Variants in MRPL30 observed in about 807,000 individuals in gnomAD.
MRPL30 encodes mitochondrial ribosomal protein L30.
In MRPL30, 10 loss-of-function variants were observed where a neutral mutation model predicts 17.2. The ratio of observed to expected loss-of-function variants is 0.58; its 90% CI spans 0.36 to 0.99. MRPL30 has a LOEUF of 0.99. MRPL30 is among the 50% of genes least tolerant of loss of function. The pLI is 0.01. For missense variants in MRPL30, 170 were observed against 189.8 expected, an observed-to-expected ratio of 0.90 and a Z score of 0.61; for synonymous variants, 61 against 62.1, an observed-to-expected ratio of 0.98 and a Z score of 0.08.
intron 3 of MRPL30, among the ~76,000 whole-genome samples, chr2:99,189,588 G>A (rs2093940749): frequency 6.6e-6 from 1 of 152,170 alleles, no homozygotes; most frequent in Admixed American, 6.5e-5. Context: ...AATGAACAAA[G>A]CTGCTATAAA....
Position 99,195,773 on chromosome 2 carries a change from A to C in MRPL30, c.*68A>C, listed in dbSNP as rs1447161536. ...TTAAAGATGGTGAGAAAGTGTTTTC[A>C]TTAAAATATGTTTTCAAAACCATTT... On this transcript the variant is annotated 3_prime_UTR_variant, in exon 6 of 6. Coordinates refer to ENST00000338148, the MANE Select transcript of MRPL30 (RefSeq NM_145212.4). 83 of 1,602,026 alleles carry C rather than the reference A, an allele frequency of 5.2e-5. 1 individual carries two copies. The highest frequency in any genetic ancestry group is 6.9e-5 in the Non-Finnish European group (81 of 1,176,748).
In MRPL30 at chr2:99,181,204, C is replaced by T; in HGVS notation, c.-73C>T. On this transcript the variant is annotated 5_prime_UTR_variant, in exon 1 of 6. Transcript: ENST00000338148. ...ACTTGGTAGTTCTTCCTCTGCTCTG[C>T]TTCCCTTCGGAGGAAAATTTCAGGC... 1.8e-6 allele frequency: 1 copy of T among 553,874 alleles called. No individual in the cohort carries two copies. Among genetic ancestry groups the T allele is most frequent in the South Asian group, 2.7e-5 (1 of 36,556 alleles). The allele number at this position is 553,874 out of a possible 1,614,324, so 34.3% of individuals were successfully genotyped here.
rs1005557444 is a variant in MRPL30 at position 99,199,111 on chromosome 2, C to T, written c.*3406C>T. Among the ~76,000 whole-genome samples, 1 of 151,964 alleles carries T rather than the reference C, an allele frequency of 6.6e-6. No homozygotes were observed. The highest frequency in any genetic ancestry group is 2.4e-5 in the African/African-American group (1 of 41,404). On this transcript the variant is annotated 3_prime_UTR_variant, in exon 6 of 6. Coordinates refer to ENST00000338148, the MANE Select transcript of MRPL30 (RefSeq NM_145212.4). The stretch of plus-strand genomic sequence containing the variant: ...AATGAAAAGCAAAGAAACTTCCATG[C>T]GGAGATTGTCTTGTTTTTCTCAAAA...
At position 99,197,202 on chromosome 2, in the gene MRPL30, G is replaced by A. The variant is rs2093956397; in HGVS notation, c.*1497G>A. ...TAAGAATTGTAAGGGAGGTTCAGTA[G>A]TGGGGAATTCTGTGACAGCTGATTG... On this transcript the variant is annotated 3_prime_UTR_variant, in exon 6 of 6. Coordinates refer to ENST00000338148, the MANE Select transcript of MRPL30 (RefSeq NM_145212.4). The A allele has an allele frequency of 6.6e-6, 1 of 152,208 alleles. No individual in the cohort carries two copies. Among genetic ancestry groups the A allele is most frequent in the East Asian group, 1.9e-4 (1 of 5,198 alleles). The allele number at this position is 152,208 out of a possible 1,614,324, so 9.4% of individuals were successfully genotyped here.
At chr2:99,191,076 G>A (rs1208980742) in intron 3 of MRPL30, among the ~76,000 whole-genome samples, 4 of 150,834 alleles carry the variant, frequency 2.7e-5, no homozygotes, top group South Asian at 2.1e-4. Flanking sequence ...GCGTGGTCTC[G>A]GCTCACTGCA....
intron 3 of MRPL30, among the ~76,000 whole-genome samples, chr2:99,191,212 G>A (rs1040478734): frequency 5.9e-5 from 9 of 151,992 alleles, no homozygotes; most frequent in Non-Finnish European, 1.5e-5. Flanking sequence ...TCACCATGCT[G>A]GCCAGGATGG....
At chr2:99,186,648 T>C (rs2093934563) in intron 2 of MRPL30, among the ~76,000 whole-genome samples, 1 of 152,158 alleles carries the variant, frequency 6.6e-6, no homozygotes, top group Admixed American at 6.5e-5. Flanking sequence ...TGAGAGTTAA[T>C]CTTGTTTATG....
intron 3 of MRPL30, among the ~76,000 whole-genome samples, 173 bp downstream of exon 3, chr2:99,188,430 A>ACTGTT (rs534050646): frequency 8.1e-4 from 124 of 152,228 alleles, no homozygotes; most frequent in Non-Finnish European, 1.5e-3. Context: ...TAAAAATAAA[A>ACTGTT]CTGTTCTGTC....
chr2:99,183,483 C>T (rs1441145036), intron 1 of MRPL30, among the ~76,000 whole-genome samples: 1 of 151,174 alleles, frequency 6.6e-6, no homozygotes, highest in African/African-American at 2.4e-5. Context: ...GCAGGATAAT[C>T]GGTTGAACCC....
At chr2:99,195,470 A>T in intron 5 of MRPL30, 103 bp from the exon 6 acceptor site, 1 of 1,308,344 alleles carries the variant, frequency 7.6e-7, no homozygotes, top group Non-Finnish European at 1.1e-6. Flanking sequence ...TCCTCCTCCT[A>T]GCTATTTGAA....
intron 1 of MRPL30, 60 bp downstream of exon 1, chr2:99,181,309 C>T (rs531977679): frequency 1.6e-5 from 4 of 256,884 alleles, no homozygotes; most frequent in Admixed American, 5.5e-5. Context: ...TCCGGGAACC[C>T]TCTGCAGATC....
chr2:99,198,252 T>A lies in MRPL30; in HGVS notation c.*2547T>A, dbSNP rs1441645926. ...TGTTTGTGGGTCGGAAGTCTAGGCGTGGCTTAGCTGGGTAGTCTGTTTAGG... is the reference window on the plus strand; with the variant it reads ...TGTTTGTGGGTCGGAAGTCTAGGCGAGGCTTAGCTGGGTAGTCTGTTTAGG... On this transcript the variant is annotated 3_prime_UTR_variant, in exon 6 of 6. Coordinates refer to ENST00000338148, the MANE Select transcript of MRPL30 (RefSeq NM_145212.4). 6.6e-6 allele frequency among the ~76,000 whole-genome samples: 1 copy of A among 152,206 alleles called. No homozygotes were observed. Among genetic ancestry groups the A allele is most frequent in the East Asian group, 1.9e-4 (1 of 5,192 alleles).
chr2:99,183,224 G>A (rs973212398), intron 1 of MRPL30, among the ~76,000 whole-genome samples: 5 of 152,134 alleles, frequency 3.3e-5, no homozygotes, highest in Non-Finnish European at 5.9e-5. Context: ...ATGGAGTCCT[G>A]GAGGTGGGGA....
intron 1 of MRPL30, chr2:99,185,635 C>A (rs1441393123): frequency 1.4e-5 from 4 of 285,894 alleles, no homozygotes; most frequent in South Asian, 3.0e-5. Flanking sequence ...AAAAAAAATT[C>A]TACTTTTTAA....
rs778843598 is a variant in MRPL30, at chr2:99,194,726, C to A, written c.133-25C>A. 1.9e-6 allele frequency: 3 copies of A among 1,557,932 alleles called. No individual in the cohort carries two copies. The South Asian group carries it at 3.7e-5, about 19-fold the overall frequency. ...AGAAACTGTGTAAGTTGGAAATTTA[C>A]CATTTATAATTCTTTCCTTTCTAGG... On this transcript the variant is annotated intron_variant, in intron 3 of 5. Transcript: ENST00000338148.
In MRPL30 at chr2:99,195,855, G is replaced by A. The variant is rs1201434910; in HGVS notation, c.*150G>A. ...CCAGCACTTTGGGAGGCCAAGGCGG[G>A]CAGATCACCTGAGGTCAAGAGTTCG... On this transcript the variant is annotated 3_prime_UTR_variant, in exon 6 of 6. Transcript: ENST00000338148. The A allele has an allele frequency of 4.8e-5, 53 of 1,101,222 alleles. No individual in the cohort carries two copies. Among genetic ancestry groups the A allele is most frequent in the Non-Finnish European group, 6.2e-5 (49 of 792,894 alleles). 68.2% of individuals were successfully genotyped at this position (1,101,222 alleles called of 1,614,324 possible). A position where few individuals can be genotyped will look rare whatever the true frequency, so the allele number is the denominator to read the frequency against.
chr2:99,190,217 G>A (rs1469937427), intron 3 of MRPL30, among the ~76,000 whole-genome samples: 1 of 152,146 alleles, frequency 6.6e-6, no homozygotes, highest in Non-Finnish European at 1.5e-5. Flanking sequence ...AGATAAAACA[G>A]TATTACCATT....
chr2:99,189,160 A>G (rs899300542), intron 3 of MRPL30, among the ~76,000 whole-genome samples: 2 of 152,318 alleles, frequency 1.3e-5, no homozygotes, highest in East Asian at 1.9e-4. Flanking sequence ...ACTAAATACC[A>G]TAGTTTACAC....
intron 3 of MRPL30, among the ~76,000 whole-genome samples, chr2:99,193,992 C>T (rs140443826): frequency 0.057 from 8,381 of 146,648 alleles, 455 homozygotes; most frequent in East Asian, 0.21. Context: ...GAGCCAAGAT[C>T]GTGCCATTGC....
Sources: allele counts gnomAD v4.1 joint callset (sites outside exome capture counted in the v4.1 genomes callset), GRCh38; gene constraint gnomAD v4.1.1; transcripts MANE v1.5; gene names NCBI Gene and HGNC (gene_info 2026-07-23, HGNC 2026-07-21).